Variants in UBA3 observed in about 807,000 individuals in gnomAD.
UBA3 encodes ubiquitin like modifier activating enzyme 3.
Under a neutral mutation model 73.5 loss-of-function variants are expected in UBA3, and 26 were observed. The ratio of observed to expected loss-of-function variants is 0.35; its 90% CI spans 0.26 to 0.49. The LOEUF (loss-of-function observed/expected upper bound fraction) is 0.49, where lower values mean the gene tolerates loss of function less well. Ranked by LOEUF, UBA3 falls within the 20% of genes least tolerant of loss-of-function variation. The pLI, the probability that UBA3 is intolerant of heterozygous loss-of-function variation, is 0.98. For synonymous variants in UBA3, 217 were observed against 191.2 expected (o/e 1.13, Z -1.11); for missense variants, 495 against 555.6 (o/e 0.89, Z 1.10).
At chr3:69,079,913 C>T in intron 2 of UBA3, 199 bp downstream of exon 2, 2 of 547,816 alleles carry the variant, frequency 3.7e-6, no homozygotes, top group South Asian at 4.7e-5. Flanking sequence ...GGCCCCGACG[C>T]CCGCACCGGG....
intron 4 of UBA3, 80 bp downstream of exon 4, chr3:69,075,350 T>C (rs918928195): frequency 7.4e-5 from 47 of 633,418 alleles, no homozygotes; most frequent in African/African-American, 6.7e-4. Flanking sequence ...TCACGAGAAA[T>C]TCCCTAGTAT....
At chr3:69,057,108 G>A (rs2091980287) in intron 12 of UBA3, 148 bp downstream of exon 12, 1 of 900,612 alleles carries the variant, frequency 1.1e-6, no homozygotes, top group African/African-American at 1.7e-5. Flanking sequence ...CAAAAAATAT[G>A]CAAAGTCTAA....
intron 1 of UBA3, 71 bp downstream of exon 1, chr3:69,080,263 G>A (rs546879010): frequency 3.2e-6 from 5 of 1,577,486 alleles, no homozygotes; most frequent in African/African-American, 2.7e-5. Context: ...GGTGGCGGCG[G>A]CAACCGCCCA....
At chr3:69,076,857 T>C (rs1008856180) in intron 3 of UBA3, among the ~76,000 whole-genome samples, 2 of 151,938 alleles carry the variant, frequency 1.3e-5, no homozygotes, top group Non-Finnish European at 2.9e-5. Context: ...CCTCCCAAAG[T>C]GCTGGGATTA....
intron 6 of UBA3, among the ~76,000 whole-genome samples, chr3:69,066,454 G>A: frequency 7.1e-6 from 1 of 141,542 alleles, no homozygotes; most frequent in Non-Finnish European, 1.6e-5. Flanking sequence ...GTTTTTTTTT[G>A]TTTTTTTGAG....
In UBA3 at chr3:69,064,103, T is replaced by C. The variant is rs2092046818; in HGVS notation, c.437A>G (p.Asn146Ser). Residue 146 changes from asparagine (N) to serine (S), a missense_variant, in exon 7 of 18, where the codon AAC (asparagine) becomes AGC (serine). Physicochemically the swap from Asn to Ser is conservative, Grantham distance 46. Transcript: ENST00000361055. ...VPNCNVVPHF[N>S]KIQDFNDTFY... ...AGTGTCGTTAAAATCTTGAATCTTG[T>C]TGAAATGTCTGAATACAAGTAAAGG... 10 of 1,603,172 alleles carry C rather than the reference T, an allele frequency of 6.2e-6. No homozygotes were observed. Among genetic ancestry groups the C allele is most frequent in the South Asian group, 1.1e-5 (1 of 88,378 alleles).
chr3:69,070,113 T>C (rs2092109577), intron 5 of UBA3, among the ~76,000 whole-genome samples: 1 of 152,238 alleles, frequency 6.6e-6, no homozygotes, highest in African/African-American at 2.4e-5. Context: ...TCAACCATTT[T>C]AGCCACAAAT....
At chr3:69,076,764 C>CTA (rs1553684339) in intron 3 of UBA3, among the ~76,000 whole-genome samples, 1 of 144,386 alleles carries the variant, frequency 6.9e-6, no homozygotes, top group African/African-American at 2.6e-5. Flanking sequence ...TTTTTTCTTT[C>CTA]TTTTTTTTTT....
At chr3:69,058,548 A>C (rs1195184438) in intron 11 of UBA3, among the ~76,000 whole-genome samples, 8 of 152,232 alleles carry the variant, frequency 5.3e-5, no homozygotes. Context: ...AGAAGAGGAA[A>C]TTTAAAAAGA....
At chr3:69,065,545 T>A (rs188762908) in intron 6 of UBA3, among the ~76,000 whole-genome samples, 196 of 152,312 alleles carry the variant, frequency 1.3e-3, no homozygotes, top group African/African-American at 4.5e-3. Flanking sequence ...TGGGCTTAAC[T>A]GATCTTCCTG....
chr3:69,080,062 G>C (rs777842705), intron 2 of UBA3, 50 bp downstream of exon 2: 1 of 1,572,238 alleles, frequency 6.4e-7, no homozygotes, highest in African/African-American at 1.4e-5. Flanking sequence ...CCTGGGGTGG[G>C]GGGAGGCGGG....
intron 11 of UBA3, 47 bp downstream of exon 11, chr3:69,061,767 C>A (rs1282278865): frequency 2.3e-6 from 3 of 1,281,482 alleles, no homozygotes; most frequent in Non-Finnish European, 3.3e-6. Context: ...AGCATCCCAG[C>A]CCTAAGTCAT....
At chr3:69,076,405 G>C (rs751851709) in intron 3 of UBA3, 3 of 152,168 alleles carry the variant, frequency 2.0e-5, no homozygotes, top group Non-Finnish European at 4.4e-5. Context: ...GTGTGGTGGT[G>C]GGCGCCTGTC....
intron 6 of UBA3, 65 bp downstream of exon 6, chr3:69,067,863 A>C (rs1163732322): frequency 8.0e-7 from 1 of 1,243,404 alleles, no homozygotes; most frequent in Non-Finnish European, 1.2e-6. Flanking sequence ...TCTGTTAAAT[A>C]TCTCTTATAA....
In UBA3 at chr3:69,055,193, A is replaced by G. The variant is rs924117500; in HGVS notation, c.*244T>C. Reference sequence around the variant, plus strand: ...GTATGCTTCCTCCTCTAAAAGAAGCAATACATTTGCTCATAATCTCTCTCT... The same window carrying G: ...GTATGCTTCCTCCTCTAAAAGAAGCGATACATTTGCTCATAATCTCTCTCT... On this transcript the variant is annotated 3_prime_UTR_variant, in exon 18 of 18. Coordinates refer to ENST00000361055, the MANE Select transcript of UBA3 (RefSeq NM_003968.4). 3 of 292,008 alleles carry G rather than the reference A, an allele frequency of 1.0e-5. No homozygotes were observed. The highest frequency in any genetic ancestry group is 5.2e-5 in the Admixed American group (1 of 19,334). The allele number at this position is 292,008 out of a possible 1,614,324, so 18.1% of individuals were successfully genotyped here.
chr3:69,073,818 A>T (rs1006847511), intron 4 of UBA3, among the ~76,000 whole-genome samples: 2 of 151,524 alleles, frequency 1.3e-5, no homozygotes, highest in Non-Finnish European at 2.9e-5. Context: ...TGTTTTCTGT[A>T]TTTTTTAGTA....
At chr3:69,073,115 A>C (rs2092135463) in intron 4 of UBA3, among the ~76,000 whole-genome samples, 2 of 152,130 alleles carry the variant, frequency 1.3e-5, no homozygotes, top group Admixed American at 6.5e-5. Context: ...TCAGTAACCT[A>C]GGTGAAAAGC....
intron 9 of UBA3, 133 bp from the exon 10 acceptor site, chr3:69,062,312 G>A: frequency 1.5e-6 from 1 of 651,916 alleles, no homozygotes; most frequent in Non-Finnish European, 2.7e-6. Context: ...CATTAAAAAT[G>A]CCTCTCAAAC....
Position 69,071,558 on chromosome 3 carries a change from A to G in UBA3, c.324T>C (p.Asn108=). 1 of 1,565,720 alleles carries G rather than the reference A, an allele frequency of 6.4e-7. No individual in the cohort carries two copies. Among genetic ancestry groups the G allele is most frequent in the Non-Finnish European group, 8.6e-7 (1 of 1,163,592 alleles). ...ACCTAAATAAAAACTGCCTATTTAG[A>G]TTGGAAACATCTATAGTGTCCATAT... ...VIDMDTIDVS[N]LNRQFLFRPK... is the part of the protein sequence containing the mutation. The change falls in exon 5 of 18, where the codon AAT becomes AAC. Residue 108 remains asparagine, a synonymous_variant. Coordinates refer to ENST00000361055, the MANE Select transcript of UBA3 (RefSeq NM_003968.4).
Sources: gnomAD v4.1 joint callset for allele counts (sites outside exome capture counted in the v4.1 genomes callset) on GRCh38, gnomAD v4.1.1 for gene constraint, MANE v1.5 for transcripts, NCBI Gene and HGNC (gene_info 2026-07-23, HGNC 2026-07-21) for gene names.